The following SLC6A4 variants were observed in gnomAD, a reference collection of about 807,000 sequenced individuals.
The protein encoded by SLC6A4 is sodium-dependent serotonin transporter.
SLC6A4 carries 22 observed loss-of-function variants against 73.4 expected under a neutral mutation model. The observed-to-expected ratio is 0.30, with a 90% CI of 0.21 to 0.43. The LOEUF (loss-of-function observed/expected upper bound fraction) is 0.43, where lower values mean the gene tolerates loss of function less well. SLC6A4 is among the 20% of genes least tolerant of loss of function. SLC6A4 has a pLI of 1.00. For synonymous variants in SLC6A4, 270 were observed against 315.5 expected (o/e 0.86, Z 1.53); for missense variants, 593 against 808.5 (o/e 0.73, Z 3.23).
chr17:30,204,953 G>T (rs1205078828), intron 13 of SLC6A4, among the ~76,000 whole-genome samples: 1 of 152,076 alleles, frequency 6.6e-6, no homozygotes, highest in Non-Finnish European at 1.5e-5. Context: ...GAAACGAACA[G>T]CCCCAAGCCC....
intron 12 of SLC6A4, among the ~76,000 whole-genome samples, chr17:30,208,577 A>AAAAACAAAAC (rs1044325666): frequency 6.6e-6 from 1 of 152,176 alleles, no homozygotes; most frequent in Non-Finnish European, 1.5e-5. Flanking sequence ...TTCTTCTTTA[A>AAAAACAAAAC]AAAACAAAAC....
intron 6 of SLC6A4, among the ~76,000 whole-genome samples, chr17:30,216,843 T>TTTTG (rs147069304): frequency 0.01 from 1,507 of 148,484 alleles, 19 homozygotes; most frequent in African/African-American, 0.022. Flanking sequence ...TATTGTTTTT[T>TTTTG]TTTGTTTGTT....
rs372680109 is a variant in SLC6A4, at chr17:30,218,774, A to G, written c.478+23T>C. On this transcript the variant is annotated intron_variant, in intron 4 of 14. Coordinates refer to ENST00000650711, the MANE Select transcript of SLC6A4 (RefSeq NM_001045.6). ...CCTTCCTGAGAGGCTCCACTTACCC[A>G]CCCCACCGAGCCCTTCAGTTACCTT... is the stretch of plus-strand genomic sequence containing the variant. 3.7e-5 allele frequency: 59 copies of G among 1,611,124 alleles called. No individual in the cohort carries two copies. The African/African-American group carries it at 7.7e-4, about 21-fold the overall frequency.
chr17:30,228,825 G>T (rs1375605521), intron 1 of SLC6A4, among the ~76,000 whole-genome samples: 2 of 152,214 alleles, frequency 1.3e-5, no homozygotes, highest in African/African-American at 4.8e-5. Flanking sequence ...GGCATCATTA[G>T]TTATCCTTTT....
rs2143017030 is a variant in SLC6A4 at position 30,235,334 on chromosome 17, C to T, written c.-221+279G>A. On this transcript the variant is annotated intron_variant, in intron 1 of 14. Coordinates refer to ENST00000650711, the MANE Select transcript of SLC6A4 (RefSeq NM_001045.6). This position sits in a 1 kb window ranked among gnomAD's most constrained non-coding sequence, Gnocchi z 4.5. ...TCTTTCACGGGTCCTCAAGAGGTTGCAAAGCCCCTGCAACAATAGACAAAG... is the reference window on the plus strand; with the variant it reads ...TCTTTCACGGGTCCTCAAGAGGTTGTAAAGCCCCTGCAACAATAGACAAAG... Among the ~76,000 whole-genome samples, 2 of 152,346 alleles carry T rather than the reference C, an allele frequency of 1.3e-5. No individual in the cohort carries two copies. The highest frequency in any genetic ancestry group is 2.1e-4 in the South Asian group (1 of 4,832).
At chr17:30,230,433 T>G (rs1038757455) in intron 1 of SLC6A4, among the ~76,000 whole-genome samples, 2 of 152,200 alleles carry the variant, frequency 1.3e-5, no homozygotes, top group African/African-American at 4.8e-5. Context: ...CATGGGAACA[T>G]GTCCACACAC....
Position 30,203,347 on chromosome 17 carries a change from A to G in SLC6A4, c.1651-8T>C, listed in dbSNP as rs200957694. ...AAAACTGCAAATGATGAACTAAAACAGAAATTCCAAGAAACATTAAAAACC... is the reference window on the plus strand; with the variant it reads ...AAAACTGCAAATGATGAACTAAAACGGAAATTCCAAGAAACATTAAAAACC... On this transcript the variant is annotated splice_region_variant and splice_polypyrimidine_tract_variant and intron_variant, in intron 13 of 14. Transcript: ENST00000650711. 1.9e-6 allele frequency: 3 copies of G among 1,610,336 alleles called. No homozygotes were observed. The highest frequency in any genetic ancestry group is 1.7e-6 in the Non-Finnish European group (2 of 1,178,260).
chr17:30,202,540 G>A (rs1204354368), intron 14 of SLC6A4, among the ~76,000 whole-genome samples: 1 of 152,178 alleles, frequency 6.6e-6, no homozygotes, highest in African/African-American at 2.4e-5. Flanking sequence ...TAATCGACAT[G>A]CAGATGCTTT....
intron 5 of SLC6A4, 30 bp downstream of exon 5, chr17:30,218,088 C>T (rs920867300): frequency 6.3e-7 from 1 of 1,593,510 alleles, no homozygotes; most frequent in African/African-American, 1.3e-5. Flanking sequence ...CTGCCCCTAA[C>T]AGGCCAACCC....
At chr17:30,225,297 C>T (rs1366285284) in intron 1 of SLC6A4, among the ~76,000 whole-genome samples, 1 of 152,140 alleles carries the variant, frequency 6.6e-6, no homozygotes, top group African/African-American at 2.4e-5. Flanking sequence ...TCGGGTCTGC[C>T]AGGAGAAGAT....
chr17:30,231,081 G>A (rs1188591491), intron 1 of SLC6A4, among the ~76,000 whole-genome samples: 3 of 152,046 alleles, frequency 2.0e-5, no homozygotes, highest in South Asian at 2.1e-4. Flanking sequence ...TTGAGACAGC[G>A]GGGGAAATGG....
chr17:30,229,395 AG>A (rs1288473108), intron 1 of SLC6A4, among the ~76,000 whole-genome samples: 1 of 152,256 alleles, frequency 6.6e-6, no homozygotes, highest in East Asian at 1.9e-4. Flanking sequence ...ACGACGGCTT[AG>A]GGGTGGGGAG....
chr17:30,210,103 A>C (rs1279527158), intron 11 of SLC6A4, among the ~76,000 whole-genome samples: 1 of 151,558 alleles, frequency 6.6e-6, no homozygotes, highest in African/African-American at 2.4e-5. Context: ...GGATCTCTAG[A>C]GAGGGTGTGA....
At chr17:30,234,094 A>C (rs1021186192) in intron 1 of SLC6A4, among the ~76,000 whole-genome samples, 1 of 152,138 alleles carries the variant, frequency 6.6e-6, no homozygotes, top group African/African-American at 2.4e-5. Flanking sequence ...AAGTTTCATC[A>C]AAATGCTCAG....
intron 1 of SLC6A4, among the ~76,000 whole-genome samples, chr17:30,225,882 G>A (rs1306610693): frequency 2.0e-5 from 3 of 152,118 alleles, no homozygotes; most frequent in East Asian, 3.9e-4. Flanking sequence ...AGTAAAAAAG[G>A]ACTGTTTCTA....
rs1373793361 is a variant in SLC6A4, at chr17:30,222,835, C to T, written c.-140G>A. ...GCTGCTCACCATTTGTTCTTCTTTC[C>T]ACTTGCCAGCAACTCCTGTGGCTAA... is the stretch of plus-strand genomic sequence containing the variant. On this transcript the variant is annotated 5_prime_UTR_variant, in exon 2 of 15. Coordinates refer to ENST00000650711, the MANE Select transcript of SLC6A4 (RefSeq NM_001045.6). The T allele has an allele frequency of 2.3e-6, 3 of 1,304,598 alleles. No homozygotes were observed. The highest frequency in any genetic ancestry group is 1.1e-4 in the East Asian group (2 of 18,164). The allele number at this position is 1,304,598 out of a possible 1,614,324, so 80.8% of individuals were successfully genotyped here. A position where few individuals can be genotyped will look rare whatever the true frequency, so the allele number is the denominator to read the frequency against.
chr17:30,214,354 A>G (rs1295858902), intron 8 of SLC6A4, among the ~76,000 whole-genome samples: 1 of 144,140 alleles, frequency 6.9e-6, no homozygotes, highest in Non-Finnish European at 1.5e-5. Context: ...CCCGGGAGGC[A>G]GAGGTTGTGG....
At chr17:30,208,554 G>A (rs565189029) in intron 12 of SLC6A4, among the ~76,000 whole-genome samples, 1 of 152,254 alleles carries the variant, frequency 6.6e-6, no homozygotes, top group African/African-American at 2.4e-5. Context: ...AATTGCCAAG[G>A]AGGTGGGAAG....
chr17:30,229,791 T>C (rs1907030452), intron 1 of SLC6A4, among the ~76,000 whole-genome samples: 1 of 151,754 alleles, frequency 6.6e-6, no homozygotes, highest in Non-Finnish European at 1.5e-5. Flanking sequence ...GAGGCCAAGG[T>C]GGGCGGATCA....
Sources: allele counts gnomAD v4.1 joint callset (sites outside exome capture counted in the v4.1 genomes callset), GRCh38; gene constraint gnomAD v4.1.1; non-coding constraint Gnocchi (gnomAD v3.1); transcripts MANE v1.5; gene names NCBI Gene and HGNC (gene_info 2026-07-23, HGNC 2026-07-21).